Variants in SPAG16 observed in about 807,000 individuals in gnomAD.
SPAG16 encodes sperm associated antigen 16.
In SPAG16, 86 loss-of-function variants were observed where a neutral mutation model predicts 80.4. The ratio of observed to expected loss-of-function variants is 1.07; its 90% CI spans 0.90 to 1.28. The LOEUF (loss-of-function observed/expected upper bound fraction) is 1.28. Ranked by LOEUF, SPAG16 falls within the 50% of genes most tolerant of loss-of-function variation. SPAG16 has a pLI of 0.00. For synonymous variants in SPAG16, 294 were observed against 265.9 expected, an observed-to-expected ratio of 1.11 and a Z score of -1.03; for missense variants, 870 against 765.3, an observed-to-expected ratio of 1.14 and a Z score of -1.61.
At chr2:214,028,348 T>A (rs189389742) in intron 13 of SPAG16, among the ~76,000 whole-genome samples, 16 of 152,174 alleles carry the variant, frequency 1.1e-4, no homozygotes, top group Admixed American at 1.0e-3. Flanking sequence ...GAACTCAGGA[T>A]CACTTGGCAG....
chr2:213,291,073 A>G (rs1156573656), intron 1 of SPAG16, among the ~76,000 whole-genome samples: 1 of 152,170 alleles, frequency 6.6e-6, no homozygotes, highest in Non-Finnish European at 1.5e-5. Flanking sequence ...ATCTGATTCC[A>G]TGTCCCTTTT....
intron 5 of SPAG16, among the ~76,000 whole-genome samples, chr2:213,321,245 A>G (rs1240950115): frequency 6.6e-6 from 1 of 152,124 alleles, no homozygotes; most frequent in African/African-American, 2.4e-5. Flanking sequence ...AATAAATAAT[A>G]CAGCTATAAA....
chr2:213,320,278 T>C (rs543590779), intron 5 of SPAG16, among the ~76,000 whole-genome samples: 2 of 152,002 alleles, frequency 1.3e-5, no homozygotes, highest in South Asian at 2.1e-4. Flanking sequence ...TTGATACATA[T>C]GTATCAAATA....
chr2:213,658,297 C>T (rs997735009), intron 10 of SPAG16, among the ~76,000 whole-genome samples: 3 of 152,120 alleles, frequency 2.0e-5, no homozygotes, highest in Admixed American at 1.3e-4. Context: ...CAGCAATCCT[C>T]CCCTTCTGCT....
intron 8 of SPAG16, chr2:213,364,967 G>A (rs2066200273): frequency 6.6e-6 from 1 of 152,200 alleles, no homozygotes; most frequent in Non-Finnish European, 1.5e-5. Context: ...AGCATTCTTA[G>A]AGAGGACACA....
chr2:213,518,310 A>G (rs1054578862), intron 10 of SPAG16, among the ~76,000 whole-genome samples: 2 of 152,190 alleles, frequency 1.3e-5, no homozygotes, highest in African/African-American at 4.8e-5. Context: ...TCTGTTACCC[A>G]TGCTGGAGTG....
intron 10 of SPAG16, among the ~76,000 whole-genome samples, chr2:213,695,836 A>G (rs900176110): frequency 6.6e-6 from 1 of 152,236 alleles, no homozygotes; most frequent in Non-Finnish European, 1.5e-5. Flanking sequence ...TAGAAGGTCA[A>G]TCAGGAGCTT....
rs145232827 is a variant in SPAG16, at chr2:213,553,413, C to T, written c.1070+63323C>T. Among the ~76,000 whole-genome samples the T allele has an allele frequency of 2.0e-4, 31 of 152,256 alleles. No individual in the cohort carries two copies. The East Asian group carries it at 5.8e-3, about 28-fold the overall frequency. On this transcript the variant is annotated intron_variant, in intron 10 of 15. Transcript: ENST00000331683. ...AATGGTATAGGCTATCAGCATGGTT[C>T]ATTGACAGGAACCGCTGTGGTTACC... is the stretch of plus-strand genomic sequence containing the variant.
intron 9 of SPAG16, among the ~76,000 whole-genome samples, chr2:213,380,306 T>A (rs1225818517): frequency 6.6e-6 from 1 of 152,214 alleles, no homozygotes; most frequent in Non-Finnish European, 1.5e-5. Context: ...TTTCGGATGG[T>A]GCCTGCATAT....
intron 11 of SPAG16, among the ~76,000 whole-genome samples, chr2:213,887,138 A>G (rs1362774059): frequency 6.6e-6 from 1 of 152,126 alleles, no homozygotes; most frequent in African/African-American, 2.4e-5. Flanking sequence ...GACATATTAC[A>G]TAACCACAAT....
intron 3 of SPAG16, among the ~76,000 whole-genome samples, chr2:213,309,108 T>C (rs1008069867): frequency 2.0e-5 from 3 of 152,168 alleles, no homozygotes; most frequent in Non-Finnish European, 4.4e-5. Flanking sequence ...TGTGGTATCA[T>C]GTTGGTGCTT....
At chr2:213,733,783 G>T (rs530691916) in intron 10 of SPAG16, among the ~76,000 whole-genome samples, 2 of 152,170 alleles carry the variant, frequency 1.3e-5, no homozygotes, top group South Asian at 2.1e-4. Flanking sequence ...GTGATGGTTT[G>T]CCTAGTGACT....
chr2:213,502,285 T>A (rs2074773931), intron 10 of SPAG16, among the ~76,000 whole-genome samples: 1 of 151,918 alleles, frequency 6.6e-6, no homozygotes, highest in Non-Finnish European at 1.5e-5. Flanking sequence ...ACCAGCTATT[T>A]AAAAAATTTT....
chr2:214,138,276 G>C (rs1272530708), intron 14 of SPAG16, among the ~76,000 whole-genome samples: 4 of 152,096 alleles, frequency 2.6e-5, no homozygotes, highest in Non-Finnish European at 5.9e-5. Context: ...GATACTGGGA[G>C]ATACATGAGA....
chr2:214,122,327 G>A (rs2054260844), intron 14 of SPAG16, among the ~76,000 whole-genome samples: 1 of 151,930 alleles, frequency 6.6e-6, no homozygotes. Context: ...TAATTAGGCA[G>A]TTAAATGTTT....
At chr2:214,387,787 A>C (rs539450345) in intron 15 of SPAG16, among the ~76,000 whole-genome samples, 15 of 152,302 alleles carry the variant, frequency 9.8e-5, no homozygotes, top group Admixed American at 9.1e-4. Flanking sequence ...CTTATAAAAC[A>C]TCGGCTCTCA....
chr2:214,039,112 C>T (rs923254638), intron 13 of SPAG16, among the ~76,000 whole-genome samples: 24 of 152,248 alleles, frequency 1.6e-4, no homozygotes, highest in East Asian at 7.7e-4. Context: ...CCTGAGGAAT[C>T]GCCACACTGA....
intron 15 of SPAG16, among the ~76,000 whole-genome samples, chr2:214,405,722 G>A (rs1239190887): frequency 4.6e-5 from 7 of 152,094 alleles, no homozygotes; most frequent in Admixed American, 2.6e-4. Flanking sequence ...ACTTAAACCC[G>A]GGAGGCGGAG....
chr2:213,294,301 A>T lies in SPAG16; in HGVS notation c.137-1763A>T, dbSNP rs1034030755. Among the ~76,000 whole-genome samples the T allele has an allele frequency of 2.0e-5, 3 of 152,198 alleles. No homozygotes were observed. The East Asian group carries it at 5.8e-4, about 29-fold the overall frequency. On this transcript the variant is annotated intron_variant, in intron 1 of 15. Coordinates refer to ENST00000331683, the MANE Select transcript of SPAG16 (RefSeq NM_024532.5). ...ACTGGGGATTAGGGAGATGTTGGAA[A>T]TACTTTGTTAGTGAAAGATAAAATA...
Sources: gnomAD v4.1 joint callset for allele counts (sites outside exome capture counted in the v4.1 genomes callset) on GRCh38, gnomAD v4.1.1 for gene constraint, MANE v1.5 for transcripts, NCBI Gene and HGNC (gene_info 2026-07-23, HGNC 2026-07-21) for gene names.